Variants in ZFHX3 observed in about 807,000 individuals in gnomAD.
ZFHX3 encodes the protein zinc finger homeobox protein 3.
ZFHX3 carries 42 observed loss-of-function variants against 279.1 expected under a neutral mutation model. That is an observed-to-expected ratio of 0.15 (90% CI 0.12 to 0.19). The LOEUF (loss-of-function observed/expected upper bound fraction) is 0.19. Ranked by LOEUF, ZFHX3 falls within the 10% of genes least tolerant of loss-of-function variation. ZFHX3 has a pLI of 1.00. For synonymous variants in ZFHX3, 2,293 were observed against 1,957.8 expected (o/e 1.17, Z -4.52); for missense variants, 4,981 against 4,754.0 (o/e 1.05, Z -1.40).
At chr16:73,118,341 T>G (rs1435096522) in intron 7 of ZFHX3, among the ~76,000 whole-genome samples, 1 of 152,152 alleles carries the variant, frequency 6.6e-6, no homozygotes, top group Admixed American at 6.6e-5. Context: ...CCTGAATAGC[T>G]GGGATTATAG....
chr16:73,379,506 C>T (rs1228381162), intron 3 of ZFHX3, among the ~76,000 whole-genome samples: 1 of 152,178 alleles, frequency 6.6e-6, no homozygotes, highest in Admixed American at 6.5e-5. Flanking sequence ...ACTCTCTTCA[C>T]CCACATAGCA....
chr16:73,628,245 G>A (rs752977805), intron 2 of ZFHX3, among the ~76,000 whole-genome samples: 4 of 152,100 alleles, frequency 2.6e-5, no homozygotes, highest in Non-Finnish European at 5.9e-5. Context: ...AAATTACTAG[G>A]TGACCCTAAT....
intron 2 of ZFHX3, among the ~76,000 whole-genome samples, chr16:73,570,053 T>C (rs1175162171): frequency 1.3e-5 from 2 of 152,326 alleles, no homozygotes; most frequent in East Asian, 1.9e-4. Context: ...TTTCCTGTGA[T>C]CTGACACTTC....
chr16:73,569,540 T>C (rs2051713603), intron 2 of ZFHX3, among the ~76,000 whole-genome samples: 1 of 151,890 alleles, frequency 6.6e-6, no homozygotes, highest in Non-Finnish European at 1.5e-5. Context: ...ATTGTTATTC[T>C]ATACTAGCCA....
chr16:73,697,419 A>G (rs140583307), intron 1 of ZFHX3, among the ~76,000 whole-genome samples: 1 of 152,322 alleles, frequency 6.6e-6, no homozygotes, highest in East Asian at 1.9e-4. Context: ...ACATATATTG[A>G]CCTGTCACTC....
intron 1 of ZFHX3, among the ~76,000 whole-genome samples, chr16:73,703,473 C>A (rs894273976): frequency 3.3e-5 from 5 of 150,682 alleles, no homozygotes; most frequent in African/African-American, 1.2e-4. Context: ...GAATTGAATT[C>A]CACAATGCAA....
chr16:73,766,730 C>T (rs1388900), intron 1 of ZFHX3, among the ~76,000 whole-genome samples: 46,289 of 151,868 alleles, frequency 0.3, 7,695 homozygotes, highest in African/African-American at 0.43. Flanking sequence ...AGGACAGGAC[C>T]GCAGACCAGA....
chr16:73,890,502 G>T (rs2030498954), intron 1 of ZFHX3, among the ~76,000 whole-genome samples: 1 of 152,108 alleles, frequency 6.6e-6, no homozygotes, highest in African/African-American at 2.4e-5. Context: ...ATTGTCAACG[G>T]TTGAAACCTT....
intron 2 of ZFHX3, among the ~76,000 whole-genome samples, chr16:73,575,498 T>C (rs981492201): frequency 2.6e-5 from 4 of 152,146 alleles, no homozygotes; most frequent in Non-Finnish European, 5.9e-5. Flanking sequence ...AGATTAAAGT[T>C]TGGTAAATTT....
intron 6 of ZFHX3, among the ~76,000 whole-genome samples, chr16:73,135,519 C>A (rs539637991): frequency 2.4e-4 from 36 of 152,250 alleles, no homozygotes; most frequent in African/African-American, 8.7e-4. Context: ...AGCTTTCGAC[C>A]CTGCTGCCAT....
intron 2 of ZFHX3, among the ~76,000 whole-genome samples, chr16:73,661,017 T>C (rs1211460473): frequency 2.0e-5 from 3 of 152,192 alleles, no homozygotes; most frequent in African/African-American, 7.2e-5. Flanking sequence ...CCTCACAGTG[T>C]CACAAAAGTG....
chr16:73,312,485 T>A (rs7189366), intron 4 of ZFHX3, among the ~76,000 whole-genome samples: 2 of 152,074 alleles, frequency 1.3e-5, no homozygotes, highest in African/African-American at 4.8e-5. Context: ...TTAATGATAG[T>A]GTGTCAAGGT....
chr16:73,567,086 C>T (rs779507252), intron 2 of ZFHX3, among the ~76,000 whole-genome samples: 12 of 152,206 alleles, frequency 7.9e-5, no homozygotes, highest in South Asian at 2.1e-4. Context: ...TGGGCTCAGA[C>T]GATCCTCCCA....
chr16:73,762,136 GA>G (rs1161150651), intron 1 of ZFHX3, among the ~76,000 whole-genome samples: 4,107 of 140,396 alleles, frequency 0.029, 170 homozygotes, highest in African/African-American at 0.092. Flanking sequence ...AAATTTACAA[GA>G]AAAAAAAAAA....
In ZFHX3 at chr16:72,960,114, C is replaced by A; in HGVS notation, c.32G>T (p.Gly11Val). MEGCDSPVVS[G>V]KDNGCGIPQH... ...AGGGATACCGCACCCATTGTCCTTC[C>A]CCGAGACGACGGGCGAGTCACAGCC... Residue 11 changes from glycine to valine, a missense_variant, in exon 2 of 10, where the codon GGG becomes GTG. By Grantham distance (109) the Gly-to-Val change is moderately radical. Coordinates refer to ENST00000268489, the MANE Select transcript of ZFHX3 (RefSeq NM_006885.4). The A allele has an allele frequency of 6.3e-7, 1 of 1,595,980 alleles. No homozygotes were observed. The highest frequency in any genetic ancestry group is 8.5e-7 in the Non-Finnish European group (1 of 1,170,758).
chr16:72,815,860 T>C (rs771447432), intron 5 of ZFHX3, among the ~76,000 whole-genome samples: 3 of 152,218 alleles, frequency 2.0e-5, no homozygotes, highest in Non-Finnish European at 4.4e-5. Flanking sequence ...TTAGTAACTC[T>C]AGTGGTTTGT....
intron 3 of ZFHX3, among the ~76,000 whole-genome samples, chr16:73,419,255 C>T (rs1473205110): frequency 6.6e-6 from 1 of 152,212 alleles, no homozygotes; most frequent in Non-Finnish European, 1.5e-5. Context: ...GACACTGTCT[C>T]ACTCACCATT....
intron 1 of ZFHX3, among the ~76,000 whole-genome samples, chr16:73,009,692 G>C (rs1365585669): frequency 6.6e-6 from 1 of 152,026 alleles, no homozygotes; most frequent in Non-Finnish European, 1.5e-5. Flanking sequence ...CAGATGGCAG[G>C]GCCAGCCTTT....
chr16:72,795,331 T>G lies in ZFHX3; in HGVS notation c.7351A>C (p.Lys2451Gln). 6.2e-7 allele frequency: 1 copy of G among 1,613,992 alleles called. No individual in the cohort carries two copies. The highest frequency in any genetic ancestry group is 8.5e-7 in the Non-Finnish European group (1 of 1,179,992). Residue 2451 changes from lysine (K) to glutamine (Q), a missense_variant, in exon 9 of 10, where the codon AAG (lysine) becomes CAG (glutamine). Transcript: ENST00000268489. ...NQTQEKQGQP[K>Q]PELQQQEQPE... ...TGCTCTTGCTGCTGCAGCTCTGGCT[T>G]TGGTTGTCCTTGCTTTTCTTGGGTT...
Sources: allele counts gnomAD v4.1 joint callset (sites outside exome capture counted in the v4.1 genomes callset), GRCh38; gene constraint gnomAD v4.1.1; transcripts MANE v1.5; gene names NCBI Gene and HGNC (gene_info 2026-07-23, HGNC 2026-07-21).